ANKFN1: variants seen among roughly 807,000 people sequenced by gnomAD.
ANKFN1 encodes ankyrin repeat and fibronectin type-III domain-containing protein 1.
In ANKFN1, 74 loss-of-function variants were observed where a neutral mutation model predicts 108.7. The ratio of observed to expected loss-of-function variants is 0.68; its 90% CI spans 0.56 to 0.83. The LOEUF is 0.83. Among genes scored for constraint, ANKFN1 ranks in the 40% least tolerant of loss-of-function variants. The pLI, the probability that ANKFN1 is intolerant of heterozygous loss-of-function variation, is 0.00. For missense variants in ANKFN1, 1,505 were observed against 1,382.3 expected (o/e 1.09, Z -1.41); for synonymous variants, 547 against 516.2 (o/e 1.06, Z -0.81).
intron 8 of ANKFN1, among the ~76,000 whole-genome samples, chr17:56,423,186 C>A (rs1259826220): frequency 3.3e-5 from 5 of 152,186 alleles, no homozygotes; most frequent in African/African-American, 1.2e-4. Flanking sequence ...ATGAGCTGAG[C>A]AGATCACCCC....
chr17:56,163,962 G>A (rs1264741124), intron 1 of ANKFN1, among the ~76,000 whole-genome samples: 2 of 152,174 alleles, frequency 1.3e-5, no homozygotes, highest in Non-Finnish European at 2.9e-5. Flanking sequence ...GTATTTTGGT[G>A]TTTGTACACA....
intron 19 of ANKFN1, among the ~76,000 whole-genome samples, chr17:56,497,168 GAAC>G (rs1407194681): frequency 1.3e-5 from 2 of 152,148 alleles, no homozygotes; most frequent in African/African-American, 2.4e-5. Flanking sequence ...CCAGCTGAGA[GAAC>G]AACAATCTCA....
intron 3 of ANKFN1, among the ~76,000 whole-genome samples, chr17:56,238,403 C>T (rs1003149155): frequency 3.9e-5 from 6 of 152,006 alleles, no homozygotes; most frequent in African/African-American, 7.2e-5. Flanking sequence ...TTATTGTGTG[C>T]GAATCTAAGT....
intron 3 of ANKFN1, among the ~76,000 whole-genome samples, chr17:56,314,765 A>C (rs2045149454): frequency 6.6e-6 from 1 of 152,232 alleles, no homozygotes; most frequent in South Asian, 2.1e-4. Flanking sequence ...CTCAAGCTCA[A>C]GCTGCCCTCA....
At chr17:56,144,170 A>C (rs1387312756) in intron 4 of ANKFN1, among the ~76,000 whole-genome samples, 6 of 118,072 alleles carry the variant, frequency 5.1e-5, no homozygotes, top group Non-Finnish European at 1.1e-4. Context: ...AAAAAAAAAA[A>C]AAAAAAAAAA....
In ANKFN1 at chr17:56,511,058, A is replaced by G. The variant is rs2051743815; in HGVS notation, c.3230A>G (p.Asn1077Ser). Residue 1077 changes from asparagine to serine, a missense_variant, in exon 21 of 21, where the codon AAC becomes AGC. Coordinates refer to ENST00000682825, the MANE Select transcript of ANKFN1 (RefSeq NM_001370326.1). Reference protein sequence around the residue: ...AHAASLPEERNSSLQDARPSV... With the variant: ...AHAASLPEERSSSLQDARPSV... Reference sequence around the variant, plus strand: ...GCTGCCAGCCTTCCTGAGGAGCGGAACAGCAGTCTCCAGGACGCGAGGCCT... The same window carrying G: ...GCTGCCAGCCTTCCTGAGGAGCGGAGCAGCAGTCTCCAGGACGCGAGGCCT... 6.5e-7 allele frequency: 1 copy of G among 1,536,002 alleles called. No homozygotes were observed. Among genetic ancestry groups the G allele is most frequent in the East Asian group, 2.4e-5 (1 of 40,906 alleles).
intron 8 of ANKFN1, among the ~76,000 whole-genome samples, chr17:56,434,536 T>G (rs2048869759): frequency 6.6e-6 from 1 of 152,142 alleles, no homozygotes; most frequent in Admixed American, 6.5e-5. Flanking sequence ...CAATAAAGAT[T>G]CTTGTTTGAA....
chr17:56,105,357 G>A (rs1031552540), intron 4 of ANKFN1, among the ~76,000 whole-genome samples: 2 of 152,062 alleles, frequency 1.3e-5, no homozygotes, highest in African/African-American at 2.4e-5. Context: ...ACTTGATCAC[G>A]GGAGTCTGCT....
At chr17:56,497,791 C>T (rs564676696) in intron 19 of ANKFN1, among the ~76,000 whole-genome samples, 11 of 152,178 alleles carry the variant, frequency 7.2e-5, no homozygotes, top group Non-Finnish European at 1.3e-4. Flanking sequence ...GACTAACTAC[C>T]TCTTCTTACA....
At chr17:56,470,423 A>G (rs114980189) in intron 15 of ANKFN1, among the ~76,000 whole-genome samples, 3,223 of 152,130 alleles carry the variant, frequency 0.021, 111 homozygotes, top group African/African-American at 0.073. Context: ...AAGCTTTCCT[A>G]TTTCTCTGCA....
At chr17:56,108,371 C>T (rs932327370) in intron 4 of ANKFN1, among the ~76,000 whole-genome samples, 1 of 152,178 alleles carries the variant, frequency 6.6e-6, no homozygotes, top group African/African-American at 2.4e-5. Context: ...CACGTTGAGT[C>T]ATCTTAGATG....
chr17:56,078,643 A>G (rs1469107245), intron 4 of ANKFN1, among the ~76,000 whole-genome samples: 1 of 152,212 alleles, frequency 6.6e-6, no homozygotes, highest in Non-Finnish European at 1.5e-5. Flanking sequence ...CACTCTTATT[A>G]TTATTCTCAT....
intron 15 of ANKFN1, among the ~76,000 whole-genome samples, chr17:56,467,820 AAG>A (rs1491431155): frequency 4.4e-5 from 2 of 45,738 alleles, no homozygotes; most frequent in African/African-American, 1.3e-4. Context: ...GAAAGAAAGA[AAG>A]AAAGAAAGAA....
intron 3 of ANKFN1, among the ~76,000 whole-genome samples, chr17:56,286,530 C>A (rs746200725): frequency 6.6e-5 from 10 of 152,114 alleles, no homozygotes; most frequent in Non-Finnish European, 1.2e-4. Context: ...AGCTGAGGGC[C>A]TCATTGTGTC....
Position 56,372,619 on chromosome 17 carries a change from G to A in ANKFN1, c.602-27G>A, listed in dbSNP as rs1484720093. On this transcript the variant is annotated intron_variant, in intron 6 of 20. Transcript: ENST00000682825. ...AGCAGCATTTCCCCAGAAAGAAAGA[G>A]AAGTAATCCCATTTCTTTCCCTTTA... is the stretch of plus-strand genomic sequence containing the variant. 3.8e-6 allele frequency: 6 copies of A among 1,592,014 alleles called. No homozygotes were observed. In the South Asian group the frequency reaches 6.7e-5, roughly 18 times the overall value.
chr17:56,401,358 ATTGTATTGTATTGTG>A (rs1360117996), intron 8 of ANKFN1, among the ~76,000 whole-genome samples: 4 of 90,674 alleles, frequency 4.4e-5, no homozygotes, highest in Admixed American at 3.3e-4. Context: ...ATTGTATTGT[ATTGTATTGTATTGTG>A]TTGTGTTGTG....
chr17:56,213,754 A>G (rs1223305330), intron 2 of ANKFN1, among the ~76,000 whole-genome samples: 4 of 152,238 alleles, frequency 2.6e-5, no homozygotes, highest in South Asian at 2.1e-4. Context: ...TTCAGTCCAC[A>G]TAACTCTTAC....
At chr17:56,174,491 C>A (rs1373118561) in intron 1 of ANKFN1, 13 of 858,314 alleles carry the variant, frequency 1.5e-5, no homozygotes, top group Non-Finnish European at 1.7e-5. Flanking sequence ...TTGTGCTCCC[C>A]CTCCATGGAG....
chr17:56,376,101 T>C (rs1440620023), intron 8 of ANKFN1, among the ~76,000 whole-genome samples: 2 of 152,220 alleles, frequency 1.3e-5, no homozygotes, highest in Non-Finnish European at 2.9e-5. Flanking sequence ...GTGTGGACTT[T>C]CTTTGCATTC....
Sources: gnomAD v4.1 joint callset for allele counts (sites outside exome capture counted in the v4.1 genomes callset) on GRCh38, gnomAD v4.1.1 for gene constraint, MANE v1.5 for transcripts, NCBI Gene and HGNC (gene_info 2026-07-23, HGNC 2026-07-21) for gene names.